HCRTR2: variants seen among roughly 807,000 people sequenced by gnomAD.
HCRTR2 encodes hypocretin receptor 2.
Under a neutral mutation model 49.0 loss-of-function variants are expected in HCRTR2, and 22 were observed. That is an observed-to-expected ratio of 0.45 (90% CI 0.32 to 0.64). The LOEUF is 0.64. Among genes scored for constraint, HCRTR2 ranks in the 30% least tolerant of loss-of-function variants. The pLI is 0.04. For synonymous variants in HCRTR2, 236 were observed against 205.3 expected (o/e 1.15, Z -1.28); for missense variants, 491 against 559.4 (o/e 0.88, Z 1.23).
intron 1 of HCRTR2, among the ~76,000 whole-genome samples, chr6:55,234,143 G>T (rs1766169643): frequency 1.3e-5 from 2 of 152,128 alleles, no homozygotes; most frequent in African/African-American, 4.8e-5. Context: ...AGTAGAAATA[G>T]GTGCTATGCT....
At chr6:55,179,957 C>A (rs1388309986) in intron 1 of HCRTR2, among the ~76,000 whole-genome samples, 3 of 152,178 alleles carry the variant, frequency 2.0e-5, no homozygotes, top group Non-Finnish European at 2.9e-5. Flanking sequence ...ATTCTGACAT[C>A]TTCTCCACCC....
intron 1 of HCRTR2, among the ~76,000 whole-genome samples, chr6:55,164,295 A>C (rs751848193): frequency 6.6e-6 from 1 of 152,236 alleles, no homozygotes. Context: ...AAGGATTATA[A>C]ATCATTCTAT....
intron 1 of HCRTR2, among the ~76,000 whole-genome samples, chr6:55,175,174 C>G (rs1193072309): frequency 6.6e-6 from 1 of 151,676 alleles, no homozygotes; most frequent in East Asian, 2.0e-4. Flanking sequence ...CTTTGTGTAA[C>G]GTGGCTGGGT....
intron 2 of HCRTR2, among the ~76,000 whole-genome samples, chr6:55,251,477 T>C (rs555045683): frequency 4.6e-5 from 7 of 152,204 alleles, no homozygotes; most frequent in African/African-American, 1.4e-4. Flanking sequence ...ATTTCACTTC[T>C]CTTCCAACAA....
intron 1 of HCRTR2, among the ~76,000 whole-genome samples, chr6:55,198,153 A>C (rs1369288655): frequency 6.6e-6 from 1 of 152,092 alleles, no homozygotes; most frequent in Non-Finnish European, 1.5e-5. Flanking sequence ...CCCTAAGCCC[A>C]ATCCTATCAG....
At chr6:55,215,701 G>A (rs972879661) in intron 1 of HCRTR2, among the ~76,000 whole-genome samples, 1 of 152,188 alleles carries the variant, frequency 6.6e-6, no homozygotes, top group Non-Finnish European at 1.5e-5. Context: ...AGAAGTCAAA[G>A]TGTAGAGTTT....
At chr6:55,245,469 T>TATATA (rs1562020342) in intron 1 of HCRTR2, among the ~76,000 whole-genome samples, 637 of 56,726 alleles carry the variant, frequency 0.011, 21 homozygotes, top group African/African-American at 0.026. Flanking sequence ...TAGGAAGATT[T>TATATA]TATATATATA....
At chr6:55,131,921 G>A (rs1404399720) in intron 1 of HCRTR2, among the ~76,000 whole-genome samples, 1 of 151,762 alleles carries the variant, frequency 6.6e-6, no homozygotes, top group Non-Finnish European at 1.5e-5. Flanking sequence ...ATGAAACCAT[G>A]TGGCAAGCTT....
At chr6:55,147,250 T>G (rs1217064644) in intron 1 of HCRTR2, among the ~76,000 whole-genome samples, 1 of 152,154 alleles carries the variant, frequency 6.6e-6, no homozygotes, top group Non-Finnish European at 1.5e-5. Context: ...AAGTATAATA[T>G]ATACATTAAT....
At chr6:55,186,625 A>G (rs1250050700) in intron 1 of HCRTR2, among the ~76,000 whole-genome samples, 1 of 152,264 alleles carries the variant, frequency 6.6e-6, no homozygotes, top group Non-Finnish European at 1.5e-5. Flanking sequence ...GCAATAACTG[A>G]GAAGAACATG....
At chr6:55,201,747 C>A (rs923345695) in intron 1 of HCRTR2, among the ~76,000 whole-genome samples, 1 of 152,136 alleles carries the variant, frequency 6.6e-6, no homozygotes, top group Non-Finnish European at 1.5e-5. Flanking sequence ...CAACCTCTTG[C>A]TTAGCGAGAA....
At chr6:55,240,530 G>T (rs1164916948) in intron 1 of HCRTR2, among the ~76,000 whole-genome samples, 3 of 152,118 alleles carry the variant, frequency 2.0e-5, no homozygotes, top group African/African-American at 7.2e-5. Flanking sequence ...GGAGATTTAG[G>T]GACAACTTTG....
intron 1 of HCRTR2, among the ~76,000 whole-genome samples, chr6:55,117,555 A>T (rs1380056391): frequency 6.6e-6 from 1 of 151,750 alleles, no homozygotes; most frequent in Non-Finnish European, 1.5e-5. Context: ...TACTTGTTCT[A>T]GGAACCTGTA....
intron 4 of HCRTR2, among the ~76,000 whole-genome samples, chr6:55,270,168 A>G (rs955333833): frequency 6.6e-6 from 1 of 152,232 alleles, no homozygotes; most frequent in South Asian, 2.1e-4. Context: ...TTATTAAATG[A>G]TGTGGTACTA....
chr6:55,189,665 G>A (rs571680772), intron 1 of HCRTR2, among the ~76,000 whole-genome samples: 4 of 152,242 alleles, frequency 2.6e-5, no homozygotes, highest in African/African-American at 9.6e-5. Flanking sequence ...GAGACCATCA[G>A]GATAAATAGC....
chr6:55,116,835 A>C (rs1419779849), intron 1 of HCRTR2, among the ~76,000 whole-genome samples: 1 of 151,576 alleles, frequency 6.6e-6, no homozygotes, highest in Admixed American at 6.6e-5. Flanking sequence ...TGGTTCAGAA[A>C]CTCCCCAGAA....
At chr6:55,221,191 G>GA (rs1369336363) in intron 1 of HCRTR2, among the ~76,000 whole-genome samples, 1 of 151,534 alleles carries the variant, frequency 6.6e-6, no homozygotes, top group South Asian at 2.1e-4. Context: ...TTCAGAAATA[G>GA]AAAAAAAATC....
chr6:55,160,532 C>G (rs1459387497), intron 1 of HCRTR2, among the ~76,000 whole-genome samples: 1 of 152,166 alleles, frequency 6.6e-6, no homozygotes, highest in East Asian at 1.9e-4. Context: ...TTAAGAGACA[C>G]AGACTGGCAA....
chr6:55,267,361 A>G (rs1260663784), intron 4 of HCRTR2, among the ~76,000 whole-genome samples: 1 of 149,212 alleles, frequency 6.7e-6, no homozygotes, highest in Non-Finnish European at 1.5e-5. Context: ...TAAAAGAATT[A>G]GCTAATGCAT....
Sources: gnomAD v4.1 joint callset for allele counts (sites outside exome capture counted in the v4.1 genomes callset) on GRCh38, gnomAD v4.1.1 for gene constraint, MANE v1.5 for transcripts, NCBI Gene and HGNC (gene_info 2026-07-23, HGNC 2026-07-21) for gene names.